NTRK3: variants seen among roughly 807,000 people sequenced by gnomAD.
NTRK3 encodes the protein neurotrophic receptor tyrosine kinase 3.
In NTRK3, 24 loss-of-function variants were observed where a neutral mutation model predicts 91.7. That is an observed-to-expected ratio of 0.26 (90% CI 0.19 to 0.37). The LOEUF (loss-of-function observed/expected upper bound fraction) is 0.37, where lower values mean the gene tolerates loss of function less well. Ranked by LOEUF, NTRK3 falls within the 10% of genes least tolerant of loss-of-function variation. The probability of loss-of-function intolerance (pLI) is 1.00; values close to 1 mark genes in which losing one functional copy is unlikely to be tolerated. For synonymous variants in NTRK3, 483 were observed against 404.0 expected, an observed-to-expected ratio of 1.20 and a Z score of -2.34; for missense variants, 880 against 1,068.9, an observed-to-expected ratio of 0.82 and a Z score of 2.46.
At chr15:88,205,154 A>G (rs1215581496) in intron 3 of NTRK3, among the ~76,000 whole-genome samples, 1 of 152,164 alleles carries the variant, frequency 6.6e-6, no homozygotes, top group African/African-American at 2.4e-5. Flanking sequence ...TAAGCTTAGC[A>G]TGTGGTTCTG....
intron 3 of NTRK3, among the ~76,000 whole-genome samples, chr15:88,248,537 T>C (rs541466190): frequency 7.0e-6 from 1 of 142,172 alleles, no homozygotes; most frequent in South Asian, 2.3e-4. Context: ...TGTGTGTGTG[T>C]GCATGTGTGC....
intron 14 of NTRK3, 93 bp downstream of exon 14, chr15:88,032,764 T>C: frequency 7.2e-7 from 1 of 1,396,072 alleles, no homozygotes. Flanking sequence ...AGGTAGCAGG[T>C]CACCCTAGAA....
rs142444332 is a variant in NTRK3 at position 88,235,511 on chromosome 15, C to A, written c.248+20395G>T. On this transcript the variant is annotated intron_variant, in intron 3 of 18. Coordinates refer to ENST00000394480, the Ensembl canonical transcript of NTRK3. The surrounding 1 kb of genome is among the most constrained non-coding windows in gnomAD (Gnocchi z 5.2). ...CTTTCTGGTGGGACCAGGCCCTCTT[C>A]GAGTGGCATTCATCTATCCCTTGCA... Among the ~76,000 whole-genome samples the A allele has an allele frequency of 5.1e-4, 77 of 152,254 alleles. No homozygotes were observed. Among genetic ancestry groups the A allele is most frequent in the African/African-American group, 1.6e-3 (66 of 41,554 alleles).
At chr15:88,127,012 A>AG (rs1450323476) in intron 12 of NTRK3, 150 bp downstream of exon 12, 5 of 720,594 alleles carry the variant, frequency 6.9e-6, no homozygotes, top group Non-Finnish European at 1.3e-5. Context: ...CCAACAAGGA[A>AG]GGTTTAAACT....
chr15:87,930,943 G>T (rs907262545), intron 16 of NTRK3: 1 of 210,454 alleles, frequency 4.8e-6, no homozygotes, highest in Admixed American at 5.6e-5. Flanking sequence ...GTGTCAGCAA[G>T]TCCTTGTAGA....
chr15:88,228,800 G>C (rs559463277), intron 3 of NTRK3, among the ~76,000 whole-genome samples: 2 of 152,262 alleles, frequency 1.3e-5, no homozygotes, highest in Admixed American at 6.5e-5. Flanking sequence ...AGCCCCTCCA[G>C]CTTCTGCCCC....
intron 14 of NTRK3, among the ~76,000 whole-genome samples, chr15:87,945,666 CT>C (rs1325639501): frequency 1.4e-4 from 21 of 152,262 alleles, no homozygotes; most frequent in Admixed American, 5.2e-4. Flanking sequence ...GAGGTGACCA[CT>C]GTCAGCTTCA....
At chr15:88,169,987 C>T (rs977683043) in intron 5 of NTRK3, among the ~76,000 whole-genome samples, 9 of 152,222 alleles carry the variant, frequency 5.9e-5, no homozygotes, top group East Asian at 5.8e-4. Flanking sequence ...CATCTCTACA[C>T]GCTGTCTCCC....
At chr15:87,990,416 C>T (rs2075195962) in intron 14 of NTRK3, among the ~76,000 whole-genome samples, 2 of 152,178 alleles carry the variant, frequency 1.3e-5, no homozygotes, top group African/African-American at 2.4e-5. Flanking sequence ...CCCAGCGTAA[C>T]AATGAATGTA....
intron 14 of NTRK3, among the ~76,000 whole-genome samples, chr15:87,996,447 G>C (rs764890150): frequency 3.3e-5 from 5 of 152,188 alleles, no homozygotes; most frequent in Non-Finnish European, 7.4e-5. Context: ...CAAAGGTAGA[G>C]CTTATGCAAA....
At chr15:88,129,680 A>T (rs1430894411) in intron 10 of NTRK3, among the ~76,000 whole-genome samples, 1 of 152,180 alleles carries the variant, frequency 6.6e-6, no homozygotes, top group African/African-American at 2.4e-5. Flanking sequence ...AAAAAGTAAG[A>T]AAGTGCTCAA....
chr15:88,137,663 A>G (rs1295290240), intron 6 of NTRK3, 102 bp from the exon 7 acceptor site: 3 of 1,122,930 alleles, frequency 2.7e-6, no homozygotes, highest in Non-Finnish European at 3.9e-6. Flanking sequence ...TTCAGGGATT[A>G]AGGGGAGAAG....
At chr15:87,968,811 T>C (rs764446274) in intron 14 of NTRK3, among the ~76,000 whole-genome samples, 1 of 152,182 alleles carries the variant, frequency 6.6e-6, no homozygotes. Context: ...TGATTCTAAC[T>C]GCAATTTGGG....
rs1491166187 is a variant in NTRK3, at chr15:88,033,176, T to TCA, written c.1397-132_1397-131insTG. ...CTTTTTTTTACTTTTGGGGGGTGTGTTATATATATATATATATATATATAT... is the reference window on the plus strand; with the variant it reads ...CTTTTTTTTACTTTTGGGGGGTGTGTCATATATATATATATATATATATATAT... On this transcript the variant is annotated intron_variant, in intron 13 of 18. Coordinates refer to ENST00000394480, the Ensembl canonical transcript of NTRK3. 161 of 195,948 alleles carry TCA rather than the reference T, an allele frequency of 8.2e-4. 3 individuals carry two copies. The highest frequency in any genetic ancestry group is 3.3e-3 in the Middle Eastern group (2 of 614). 12.1% of individuals were successfully genotyped at this position (195,948 alleles called of 1,614,324 possible).
intron 5 of NTRK3, among the ~76,000 whole-genome samples, chr15:88,174,458 C>T (rs1408391303): frequency 6.6e-6 from 1 of 152,194 alleles, no homozygotes; most frequent in African/African-American, 2.4e-5. Context: ...TGGCCTCCAC[C>T]CAGACACACC....
intron 14 of NTRK3, among the ~76,000 whole-genome samples, chr15:88,021,782 T>C (rs1235934144): frequency 6.6e-6 from 1 of 152,136 alleles, no homozygotes; most frequent in Admixed American, 6.5e-5. Flanking sequence ...GACAAATTCT[T>C]TGGGACATCT....
chr15:88,029,377 C>T (rs992167971), intron 14 of NTRK3, among the ~76,000 whole-genome samples: 1 of 152,176 alleles, frequency 6.6e-6, no homozygotes, highest in African/African-American at 2.4e-5. Flanking sequence ...AGGAAAAATG[C>T]TATGGACCAG....
chr15:87,933,222 A>G (rs765989702), intron 15 of NTRK3, 38 bp from the exon 16 acceptor site: 2 of 1,608,220 alleles, frequency 1.2e-6, no homozygotes, highest in Non-Finnish European at 8.5e-7. Flanking sequence ...TAACAACTAC[A>G]GGGCAGGGGG....
At chr15:87,991,557 T>C (rs1016015365) in intron 14 of NTRK3, among the ~76,000 whole-genome samples, 3 of 152,326 alleles carry the variant, frequency 2.0e-5, no homozygotes, top group East Asian at 1.9e-4. Context: ...ATTCCCATTA[T>C]TGTGCATCAT....
Sources: gnomAD v4.1 joint callset for allele counts (sites outside exome capture counted in the v4.1 genomes callset) on GRCh38, gnomAD v4.1.1 for gene constraint, Gnocchi (gnomAD v3.1) non-coding constraint, MANE v1.5 for transcripts, NCBI Gene and HGNC (gene_info 2026-07-23, HGNC 2026-07-21) for gene names.